The following TMEM74 variants were observed in gnomAD, a reference collection of about 807,000 sequenced individuals.
TMEM74 encodes the protein transmembrane protein 74.
A neutral mutation model predicts 18.1 loss-of-function variants in TMEM74; 13 were observed. That is an observed-to-expected ratio of 0.72 (90% CI 0.47 to 1.14). TMEM74 has a LOEUF of 1.14. TMEM74 is among the 50% of genes most tolerant of loss of function. The pLI, the probability that TMEM74 is intolerant of heterozygous loss-of-function variation, is 0.00. For synonymous variants in TMEM74, 159 were observed against 146.6 expected, an observed-to-expected ratio of 1.08 and a Z score of -0.61; for missense variants, 372 against 375.9, an observed-to-expected ratio of 0.99 and a Z score of 0.09.
intron 1 of TMEM74, among the ~76,000 whole-genome samples, chr8:108,744,925 T>C (rs1446458203): frequency 6.6e-6 from 1 of 152,168 alleles, no homozygotes; most frequent in Non-Finnish European, 1.5e-5. Flanking sequence ...AAAAGGGTGT[T>C]GCATGACTCA....
In TMEM74 at chr8:108,754,900, G is replaced by T. The variant is rs147960892; in HGVS notation, n.119+32576C>A. Among the ~76,000 whole-genome samples, 463 of 151,948 alleles carry T rather than the reference G, an allele frequency of 3.0e-3. 1 individual carries two copies. Among genetic ancestry groups the T allele is most frequent in the African/African-American group, 0.011 (440 of 41,488 alleles). Reference sequence around the variant, plus strand: ...CCCAGCTTAGGAGTAAGGCAGAGGGGGCAATCTCTTCTTTCCTCTGCCTTT... The same window carrying T: ...CCCAGCTTAGGAGTAAGGCAGAGGGTGCAATCTCTTCTTTCCTCTGCCTTT... On this transcript the variant is annotated intron_variant and non_coding_transcript_variant, in intron 1 of 3. Transcript: ENST00000518838.
intron 1 of TMEM74, among the ~76,000 whole-genome samples, chr8:108,759,654 G>C (rs1264793458): frequency 1.3e-5 from 2 of 152,106 alleles, no homozygotes; most frequent in Admixed American, 1.3e-4. Context: ...GGTCTCATTG[G>C]TGTAAGAAAT....
chr8:108,696,859 T>C (rs1964149701), intron 1 of TMEM74, among the ~76,000 whole-genome samples: 1 of 152,192 alleles, frequency 6.6e-6, no homozygotes, highest in South Asian at 2.1e-4. Context: ...CTTATTTGTG[T>C]TCATTTTATC....
chr8:108,680,524 A>G (rs1305417454), intron 1 of TMEM74, among the ~76,000 whole-genome samples: 1 of 152,212 alleles, frequency 6.6e-6, no homozygotes, highest in Non-Finnish European at 1.5e-5. Context: ...TCTCAAAATA[A>G]TAAGAGCTAT....
At chr8:108,624,911 C>G (rs1812479684) in intron 2 of TMEM74, among the ~76,000 whole-genome samples, 2 of 151,816 alleles carry the variant, frequency 1.3e-5, no homozygotes, top group Non-Finnish European at 2.9e-5. Context: ...TTTTAAAGTA[C>G]CAGAAAAAGA....
chr8:108,768,649 C>T (rs1814136881), intron 1 of TMEM74, among the ~76,000 whole-genome samples: 1 of 152,160 alleles, frequency 6.6e-6, no homozygotes, highest in East Asian at 1.9e-4. Flanking sequence ...CAATTCCCAC[C>T]TTCCTCTGGT....
intron 1 of TMEM74, among the ~76,000 whole-genome samples, chr8:108,689,882 T>C (rs184737142): frequency 1.3e-3 from 200 of 152,208 alleles, no homozygotes; most frequent in African/African-American, 4.6e-3. Context: ...CTCCTCTCCA[T>C]TTCTCCAGAA....
At chr8:108,758,729 T>C (rs1814005897) in intron 1 of TMEM74, among the ~76,000 whole-genome samples, 1 of 152,090 alleles carries the variant, frequency 6.6e-6, no homozygotes, top group Admixed American at 6.6e-5. Context: ...AAATGTTCAT[T>C]ATCATATTGT....
Position 108,759,573 on chromosome 8 carries a change from A to G in TMEM74, n.119+27903T>C, listed in dbSNP as rs190872578. 3.5e-3 allele frequency among the ~76,000 whole-genome samples: 539 copies of G among 152,262 alleles called. 3 individuals carry two copies. Among genetic ancestry groups the G allele is most frequent in the African/African-American group, 0.012 (513 of 41,566 alleles). On this transcript the variant is annotated intron_variant and non_coding_transcript_variant, in intron 1 of 3. Transcript: ENST00000518838. ...GGTAGCTCTCTAATGGCTGAGAAGA[A>G]AAGATCCTTGATATAAACTGAGTAA...
In TMEM74 at chr8:108,731,225, C is replaced by G. The variant is rs539249284; in HGVS notation, n.119+56251G>C. 2.6e-5 allele frequency among the ~76,000 whole-genome samples: 4 copies of G among 151,528 alleles called. No homozygotes were observed. In the South Asian group the frequency reaches 8.4e-4, roughly 32 times the overall value. On this transcript the variant is annotated intron_variant and non_coding_transcript_variant, in intron 1 of 3. Transcript: ENST00000518838. Reference sequence around the variant, plus strand: ...TATTTCATGTCGTTATCCACCACCGCCCCCCATCCCCCCCAAAAAAAGGAC... The same window carrying G: ...TATTTCATGTCGTTATCCACCACCGGCCCCCATCCCCCCCAAAAAAAGGAC...
chr8:108,678,094 C>A (rs1019439635), intron 1 of TMEM74, among the ~76,000 whole-genome samples: 2 of 152,082 alleles, frequency 1.3e-5, no homozygotes, highest in African/African-American at 4.8e-5. Context: ...ACAGTGTTGT[C>A]TATTTTCCTT....
chr8:108,714,969 A>AT (rs1471703314), intron 1 of TMEM74, among the ~76,000 whole-genome samples: 1 of 152,000 alleles, frequency 6.6e-6, no homozygotes, highest in African/African-American at 2.4e-5. Flanking sequence ...TTCAAATTAC[A>AT]TTTTTCTCAT....
downstream of TMEM74, among the ~76,000 whole-genome samples, chr8:108,776,392 C>G (rs1467106007): frequency 6.6e-6 from 1 of 152,192 alleles, no homozygotes; most frequent in Non-Finnish European, 1.5e-5. Flanking sequence ...ACTGGGGAGG[C>G]TGAGGCAGGA....
intron 2 of TMEM74, among the ~76,000 whole-genome samples, chr8:108,650,114 T>C (rs1812759229): frequency 6.6e-6 from 1 of 152,140 alleles, no homozygotes; most frequent in Non-Finnish European, 1.5e-5. Context: ...GAAACATCTC[T>C]ACTGGGTATC....
intron 2 of TMEM74, among the ~76,000 whole-genome samples, chr8:108,622,807 C>T (rs1751482551): frequency 6.6e-6 from 1 of 152,056 alleles, no homozygotes; most frequent in South Asian, 2.1e-4. Flanking sequence ...CAACTTTATG[C>T]TACATATTTC....
Position 108,705,718 on chromosome 8 carries a change from G to GA in TMEM74, n.120-50282dup, listed in dbSNP as rs57205912. On this transcript the variant is annotated intron_variant and non_coding_transcript_variant, in intron 1 of 3. Coordinates refer to the TMEM74 transcript ENST00000518838. ...TACAAGGTGGCTGCAGGAGTCTTAT[G>GA]AAAAAAAAAGTATATACATAACACA... 7.3e-3 allele frequency among the ~76,000 whole-genome samples: 1,101 copies of GA among 150,840 alleles called. 12 individuals carry two copies. The highest frequency in any genetic ancestry group is 9.9e-3 in the Admixed American group (150 of 15,162).
intron 1 of TMEM74, among the ~76,000 whole-genome samples, chr8:108,706,126 C>T (rs3019336): frequency 0.21 from 31,451 of 152,178 alleles, 3,428 homozygotes; most frequent in East Asian, 0.29. Flanking sequence ...CACAGCTAAG[C>T]ACAGTCTCAT....
exon 4 of TMEM74, chr8:108,607,689 T>C (rs1052696571): frequency 6.6e-6 from 1 of 152,218 alleles, no homozygotes; most frequent in Non-Finnish European, 1.5e-5. Flanking sequence ...AAGACACTTA[T>C]GACGTTTTCA....
At chr8:108,705,064 T>C (rs1586267536) in intron 1 of TMEM74, among the ~76,000 whole-genome samples, 2 of 152,334 alleles carry the variant, frequency 1.3e-5, no homozygotes, top group South Asian at 4.1e-4. Flanking sequence ...AAAATCATGA[T>C]AGCATCGAAT....
Sources: allele counts gnomAD v4.1 joint callset (sites outside exome capture counted in the v4.1 genomes callset), GRCh38; gene constraint gnomAD v4.1.1; transcripts MANE v1.5; gene names NCBI Gene and HGNC (gene_info 2026-07-23, HGNC 2026-07-21).